KCNIP2: variants seen among roughly 807,000 people sequenced by gnomAD.
The protein encoded by KCNIP2 is potassium voltage-gated channel interacting protein 2, also known as A-type potassium channel modulatory protein KCNIP2.
In KCNIP2, 19 loss-of-function variants were observed where a neutral mutation model predicts 39.0. The ratio of observed to expected loss-of-function variants is 0.49; its 90% CI spans 0.34 to 0.71. The LOEUF is 0.71. KCNIP2 is among the 30% of genes least tolerant of loss of function. The pLI is 0.01. For missense variants in KCNIP2, 261 were observed against 346.0 expected (o/e 0.75, Z 1.95); for synonymous variants, 111 against 131.2 (o/e 0.85, Z 1.05).
At chr10:101,829,047 G>C (rs767300433) in intron 4 of KCNIP2, 28 bp downstream of exon 4, 11 of 1,604,732 alleles carry the variant, frequency 6.9e-6, no homozygotes, top group South Asian at 1.1e-5. Flanking sequence ...TCCCACCCTC[G>C]CTGAGTTTGG....
chr10:101,829,265 C>G, intron 3 of KCNIP2, 66 bp from the exon 4 acceptor site: 1 of 1,506,674 alleles, frequency 6.6e-7, no homozygotes, highest in Non-Finnish European at 8.9e-7. Flanking sequence ...CAAATCACTG[C>G]CCCATTCACC....
chr10:101,833,934 C>T (rs1008848451), intron 1 of KCNIP2, among the ~76,000 whole-genome samples: 1 of 151,994 alleles, frequency 6.6e-6, no homozygotes, highest in African/African-American at 2.4e-5. Flanking sequence ...GACACTCCTT[C>T]CCTATCTCCA....
In KCNIP2 at chr10:101,829,875, G is replaced by A. The variant is rs1456309551; in HGVS notation, c.192C>T (p.Leu64=). 6.6e-7 allele frequency: 1 copy of A among 1,507,618 alleles called. No individual in the cohort carries two copies. The highest frequency in any genetic ancestry group is 8.8e-7 in the Non-Finnish European group (1 of 1,132,110). 93.4% of individuals were successfully genotyped at this position (1,507,618 alleles called of 1,614,324 possible). The change falls in exon 3 of 10, where the codon CTC becomes CTT. Residue 64 remains leucine, a synonymous_variant. Coordinates refer to ENST00000356640, the MANE Select transcript of KCNIP2 (RefSeq NM_173191.3). ...CCAGCAGGCGGGGTCTGTGGGGGCG[G>A]AGGGAGGCTGGGGCGGCTAATGCTG... ...VSETLAAPAS[L]RPHRPRLLDP...
At position 101,838,752 on chromosome 10, in the gene KCNIP2, G is replaced by A. The variant is rs1467520200; in HGVS notation, c.73+4744C>T. On this transcript the variant is annotated intron_variant, in intron 1 of 9. Transcript: ENST00000356640. The surrounding 1 kb of genome is among the most constrained non-coding windows in gnomAD (Gnocchi z 4.0). ...CTCCTTTTGGGGGACAGATGGCAAGGAGAGGCCACAGGCCCTATCTATACT... is the reference window on the plus strand; with the variant it reads ...CTCCTTTTGGGGGACAGATGGCAAGAAGAGGCCACAGGCCCTATCTATACT... Among the ~76,000 whole-genome samples the A allele has an allele frequency of 6.6e-6, 1 of 152,218 alleles. No individual in the cohort carries two copies. The highest frequency in any genetic ancestry group is 1.5e-5 in the Non-Finnish European group (1 of 68,036).
Position 101,828,678 on chromosome 10 carries a change from C to G in KCNIP2, c.367G>C (p.Val123Leu), listed in dbSNP as rs772616913. 1 of 1,614,154 alleles carries G rather than the reference C, an allele frequency of 6.2e-7. No homozygotes were observed. Among genetic ancestry groups the G allele is most frequent in the Non-Finnish European group, 8.5e-7 (1 of 1,180,030 alleles). ...ATCTGCTTGAAGTTCTCCTCATTGA[C>G]AATTCCGCTGGGACATTCCTGGAAG... ...GFKNECPSGIVNEENFKQIYS... is the reference protein window; with the variant it reads ...GFKNECPSGILNEENFKQIYS... The change falls in exon 5 of 10, where the codon GTC becomes CTC. Residue 123 changes from valine (V) to leucine (L), a missense_variant. Val to Leu is a conservative substitution (Grantham distance 32). Transcript: ENST00000356640. The surrounding 1 kb of genome is among the most constrained non-coding windows in gnomAD (Gnocchi z 6.6).
intron 1 of KCNIP2, chr10:101,834,486 C>G: frequency 2.5e-6 from 1 of 397,890 alleles, no homozygotes; most frequent in Non-Finnish European, 4.4e-6. Context: ...AGCCTCCCTC[C>G]CACTCTCCCT....
chr10:101,826,239 C>A lies in KCNIP2; in HGVS notation c.*1114G>T, dbSNP rs2065746140. ...GCCCTCTAGGTGTGCTAAGGGGCATCTCTGGGTAGATTGAGTCAAGCAAGA... is the reference window on the plus strand; with the variant it reads ...GCCCTCTAGGTGTGCTAAGGGGCATATCTGGGTAGATTGAGTCAAGCAAGA... On this transcript the variant is annotated 3_prime_UTR_variant, in exon 10 of 10. Transcript: ENST00000356640. The A allele has an allele frequency of 6.6e-6, 1 of 152,484 alleles. No homozygotes were observed. The highest frequency in any genetic ancestry group is 1.5e-5 in the Non-Finnish European group (1 of 68,036). The allele number at this position is 152,484 out of a possible 1,614,324, so 9.4% of individuals were successfully genotyped here. A position where few individuals can be genotyped will look rare whatever the true frequency, so the allele number is the denominator to read the frequency against.
chr10:101,840,214 C>T (rs2066289095), intron 1 of KCNIP2, among the ~76,000 whole-genome samples: 1 of 152,088 alleles, frequency 6.6e-6, no homozygotes, highest in South Asian at 2.1e-4. Flanking sequence ...CTTTCAGCCC[C>T]CCTTTCTCCG....
rs1392643985 is a variant in KCNIP2 at position 101,829,135 on chromosome 10, C to T, written c.288G>A (p.Leu96=). ...TGCGCGTGAATTTGGTTTGCTCCTGCAGCTGCTCCAGACCCTCAGGCCGGT... is the reference window on the plus strand; with the variant it reads ...TGCGCGTGAATTTGGTTTGCTCCTGTAGCTGCTCCAGACCCTCAGGCCGGT... ...VCHRPEGLEQ[L]QEQTKFTRKE... is the part of the protein sequence containing the mutation. Residue 96 remains leucine (L), a synonymous_variant, in exon 4 of 10, where the codon CTG becomes CTA. Coordinates refer to ENST00000356640, the MANE Select transcript of KCNIP2 (RefSeq NM_173191.3). The T allele has an allele frequency of 1.2e-6, 2 of 1,614,114 alleles. No individual in the cohort carries two copies. The highest frequency in any genetic ancestry group is 3.3e-5 in the Admixed American group (2 of 60,012).
chr10:101,830,154 T>C (rs2065915985), intron 2 of KCNIP2, among the ~76,000 whole-genome samples: 1 of 152,116 alleles, frequency 6.6e-6, no homozygotes, highest in Non-Finnish European at 1.5e-5. Flanking sequence ...AAGCGGGCCT[T>C]TATGGTTTGC....
chr10:101,827,585 G>C (rs1248862687), intron 9 of KCNIP2, 104 bp downstream of exon 9: 2 of 1,376,964 alleles, frequency 1.5e-6, no homozygotes, highest in African/African-American at 1.4e-5. Context: ...TGAAATATGG[G>C]GGTGAGGTGG....
intron 1 of KCNIP2, among the ~76,000 whole-genome samples, chr10:101,831,447 A>G (rs2065990539): frequency 6.6e-6 from 1 of 152,056 alleles, no homozygotes; most frequent in Non-Finnish European, 1.5e-5. Context: ...CTGACCTAGT[A>G]CCCTTGGCTC....
In KCNIP2 at chr10:101,826,261, A is replaced by G. The variant is rs564551236; in HGVS notation, c.*1092T>C. 6.5e-6 allele frequency: 1 copy of G among 152,688 alleles called. No individual in the cohort carries two copies. Among genetic ancestry groups the G allele is most frequent in the Admixed American group, 6.5e-5 (1 of 15,286 alleles). 9.5% of individuals were successfully genotyped at this position (152,688 alleles called of 1,614,324 possible). A position where few individuals can be genotyped will look rare whatever the true frequency, so the allele number is the denominator to read the frequency against. On this transcript the variant is annotated 3_prime_UTR_variant, in exon 10 of 10. Transcript: ENST00000356640. Reference sequence around the variant, plus strand: ...CATCTCTGGGTAGATTGAGTCAAGCAAGAAGAGACCCTAGGGAACTGAGGA... The same window carrying G: ...CATCTCTGGGTAGATTGAGTCAAGCGAGAAGAGACCCTAGGGAACTGAGGA...
At chr10:101,827,487 G>A in intron 9 of KCNIP2, 87 bp from the exon 10 acceptor site, 1 of 1,443,538 alleles carries the variant, frequency 6.9e-7, no homozygotes, top group South Asian at 1.2e-5. Context: ...CTGAGTCACA[G>A]ACGGGGACAT....
Position 101,843,412 on chromosome 10 carries a change from G to T in KCNIP2, c.73+84C>A. On this transcript the variant is annotated intron_variant, in intron 1 of 9. Transcript: ENST00000356640. This position sits in a 1 kb window ranked among gnomAD's most constrained non-coding sequence, Gnocchi z 6.7. ...GGGAATGGGGCAGAGTGTGGGTGCG[G>T]GCCAGGCCGGGGTCGGAGAGGCGGA... 1 of 890,388 alleles carries T rather than the reference G, an allele frequency of 1.1e-6. No individual in the cohort carries two copies. Among genetic ancestry groups the T allele is most frequent in the Non-Finnish European group, 1.6e-6 (1 of 629,530 alleles). 55.2% of individuals were successfully genotyped at this position (890,388 alleles called of 1,614,324 possible).
intron 3 of KCNIP2, chr10:101,829,427 G>C: frequency 3.7e-6 from 2 of 545,268 alleles, no homozygotes; most frequent in Non-Finnish European, 6.2e-6. Context: ...CAGAGCCAGG[G>C]ATCCGACTCA....
chr10:101,834,291 G>A (rs930112199), intron 1 of KCNIP2: 3 of 399,192 alleles, frequency 7.5e-6, no homozygotes, highest in African/African-American at 4.1e-5. Context: ...GGCTCAAAGA[G>A]GCCAAACTGC....
intron 2 of KCNIP2, chr10:101,830,576 C>A: frequency 1.6e-6 from 1 of 631,772 alleles, no homozygotes; most frequent in Non-Finnish European, 2.4e-6. Context: ...CCGCTCCCAA[C>A]TGACCACGCC....
In KCNIP2 at chr10:101,843,090, C is replaced by T. The variant is rs1263650832; in HGVS notation, c.73+406G>A. On this transcript the variant is annotated intron_variant, in intron 1 of 9. Coordinates refer to ENST00000356640, the MANE Select transcript of KCNIP2 (RefSeq NM_173191.3). The surrounding 1 kb of genome is among the most constrained non-coding windows in gnomAD (Gnocchi z 6.7). The stretch of plus-strand genomic sequence containing the variant: ...GTCCTACGCAAACTCAAACATCTGA[C>T]GAGACCATACAATTGCACTGCCACA... 6.6e-6 allele frequency among the ~76,000 whole-genome samples: 1 copy of T among 152,204 alleles called. No individual in the cohort carries two copies. Among genetic ancestry groups the T allele is most frequent in the Non-Finnish European group, 1.5e-5 (1 of 68,036 alleles).
Sources: gnomAD v4.1 joint callset for allele counts (sites outside exome capture counted in the v4.1 genomes callset) on GRCh38, gnomAD v4.1.1 for gene constraint, Gnocchi (gnomAD v3.1) non-coding constraint, MANE v1.5 for transcripts, NCBI Gene and HGNC (gene_info 2026-07-23, HGNC 2026-07-21) for gene names.